The following ADK variants were observed in gnomAD, a reference collection of about 807,000 sequenced individuals.
The protein encoded by ADK is N6,N6-dimethyladenosine kinase.
ADK carries 24 observed loss-of-function variants against 44.7 expected under a neutral mutation model. The ratio of observed to expected loss-of-function variants is 0.54; its 90% CI spans 0.39 to 0.76. The LOEUF is 0.76. Among genes scored for constraint, ADK ranks in the 30% least tolerant of loss-of-function variants. The pLI is 0.00. For missense variants in ADK, 321 were observed against 425.1 expected (o/e 0.76, Z 2.15); for synonymous variants, 128 against 142.6 (o/e 0.90, Z 0.73).
At chr10:74,623,485 T>C (rs1315859454) in intron 9 of ADK, among the ~76,000 whole-genome samples, 1 of 152,136 alleles carries the variant, frequency 6.6e-6, no homozygotes, top group African/African-American at 2.4e-5. Flanking sequence ...TAGTCCGTAC[T>C]TGCTTAACTG....
chr10:74,412,798 CTG>C (rs888160838), intron 6 of ADK, among the ~76,000 whole-genome samples: 1 of 152,178 alleles, frequency 6.6e-6, no homozygotes, highest in African/African-American at 2.4e-5. Flanking sequence ...TGGCTTATGC[CTG>C]TAATCCCAGC....
chr10:74,232,867 A>T (rs1844831441), intron 3 of ADK, among the ~76,000 whole-genome samples: 1 of 151,920 alleles, frequency 6.6e-6, no homozygotes, highest in African/African-American at 2.4e-5. Context: ...CTCGTGATCC[A>T]CCCGCCTTGC....
At position 74,588,775 on chromosome 10, in the gene ADK, A is replaced by G. The variant is rs76284859; in HGVS notation, c.727-507A>G. Among the ~76,000 whole-genome samples, 315 of 152,290 alleles carry G rather than the reference A, an allele frequency of 2.1e-3. 1 individual carries two copies. Among genetic ancestry groups the G allele is most frequent in the African/African-American group, 7.2e-3 (300 of 41,564 alleles). ...ATATAATCTGAGATACTTTGATTCC[A>G]TGGAAATACCCAGTTCCCTATCATC... On this transcript the variant is annotated intron_variant, in intron 7 of 10. Coordinates refer to ENST00000539909, the MANE Select transcript of ADK (RefSeq NM_006721.4).
At chr10:74,387,164 T>G (rs1843172964) in intron 4 of ADK, among the ~76,000 whole-genome samples, 1 of 152,192 alleles carries the variant, frequency 6.6e-6, no homozygotes, top group South Asian at 2.1e-4. Context: ...CTTGAACTCC[T>G]GACCTCGTGA....
intron 3 of ADK, among the ~76,000 whole-genome samples, chr10:74,245,479 A>C (rs2132315960): frequency 6.6e-6 from 1 of 152,258 alleles, no homozygotes; most frequent in Admixed American, 6.5e-5. Flanking sequence ...ACAATACTTT[A>C]CATGTAGTAG....
chr10:74,551,080 G>A (rs978552733), intron 7 of ADK, among the ~76,000 whole-genome samples: 1 of 152,076 alleles, frequency 6.6e-6, no homozygotes, highest in Admixed American at 6.6e-5. Context: ...AAGACAGTGT[G>A]GTACTGACTC....
chr10:74,515,241 A>T (rs1252823265), intron 6 of ADK, among the ~76,000 whole-genome samples: 1 of 151,734 alleles, frequency 6.6e-6, no homozygotes, highest in African/African-American at 2.4e-5. Context: ...GCTGTAATCC[A>T]CTCTAGTGGC....
At chr10:74,179,851 C>T (rs1182048558) in intron 1 of ADK, among the ~76,000 whole-genome samples, 3 of 152,110 alleles carry the variant, frequency 2.0e-5, no homozygotes, top group Non-Finnish European at 4.4e-5. Flanking sequence ...TATGGACTTG[C>T]CTTGAATTCT....
At chr10:74,668,697 T>G (rs984204389) in intron 9 of ADK, among the ~76,000 whole-genome samples, 3 of 152,214 alleles carry the variant, frequency 2.0e-5, no homozygotes, top group South Asian at 2.1e-4. Context: ...ATCACGCCAC[T>G]GCACTCCAGC....
chr10:74,371,430 A>G, intron 4 of ADK: 1 of 615,618 alleles, frequency 1.6e-6, no homozygotes, highest in East Asian at 2.7e-5. Context: ...GCAGTCCCCT[A>G]CAGATCTATT....
At chr10:74,167,648 A>C (rs920624797) in intron 1 of ADK, among the ~76,000 whole-genome samples, 1 of 152,210 alleles carries the variant, frequency 6.6e-6, no homozygotes, top group Non-Finnish European at 1.5e-5. Flanking sequence ...CCAAAGCAGG[A>C]GCTGGCAGCC....
chr10:74,527,025 G>C (rs1241181143), intron 7 of ADK, among the ~76,000 whole-genome samples: 1 of 152,162 alleles, frequency 6.6e-6, no homozygotes, highest in Non-Finnish European at 1.5e-5. Context: ...AAGTTCTCTA[G>C]AGTTTAAGAG....
intron 6 of ADK, among the ~76,000 whole-genome samples, chr10:74,406,217 G>T (rs1279371728): frequency 6.6e-6 from 1 of 151,988 alleles, no homozygotes; most frequent in African/African-American, 2.4e-5. Context: ...TTCATGATAG[G>T]GAGTAAATCT....
At chr10:74,406,523 TAATAAGAAGAAGAAGAAGAAG>T (rs1441941265) in intron 6 of ADK, among the ~76,000 whole-genome samples, 128 of 56,116 alleles carry the variant, frequency 2.3e-3, no homozygotes, top group African/African-American at 6.7e-3. Flanking sequence ...ATAATAATAA[TAATAAGAAGAAGAAGAAGAAG>T]AAGAAGAAGA....
At chr10:74,151,419 C>T in intron 1 of ADK, 76 bp downstream of exon 1, 1 of 1,474,968 alleles carries the variant, frequency 6.8e-7, no homozygotes, top group South Asian at 1.2e-5. Flanking sequence ...TTGCACGGCC[C>T]CGACGCTGGG....
intron 4 of ADK, among the ~76,000 whole-genome samples, chr10:74,330,532 T>A (rs1349482332): frequency 2.6e-5 from 4 of 152,184 alleles, no homozygotes; most frequent in Non-Finnish European, 5.9e-5. Flanking sequence ...CTTAGCGACT[T>A]GTTTCTAATA....
intron 6 of ADK, among the ~76,000 whole-genome samples, chr10:74,429,496 G>A (rs1019483496): frequency 6.6e-6 from 1 of 152,070 alleles, no homozygotes; most frequent in Non-Finnish European, 1.5e-5. Flanking sequence ...TTAGTCAAGT[G>A]GTCTTATTAC....
chr10:74,697,317 T>C (rs1272783012), intron 10 of ADK, among the ~76,000 whole-genome samples: 1 of 152,138 alleles, frequency 6.6e-6, no homozygotes, highest in Non-Finnish European at 1.5e-5. Context: ...AGTAGAAGGA[T>C]TGCTTGAGCC....
intron 9 of ADK, among the ~76,000 whole-genome samples, chr10:74,609,594 T>C (rs965840134): frequency 1.3e-5 from 2 of 152,120 alleles, no homozygotes; most frequent in African/African-American, 4.8e-5. Context: ...CCCAATGAGA[T>C]GAGCCAGGAC....
Sources: gnomAD v4.1 joint callset for allele counts (sites outside exome capture counted in the v4.1 genomes callset) on GRCh38, gnomAD v4.1.1 for gene constraint, MANE v1.5 for transcripts, NCBI Gene and HGNC (gene_info 2026-07-23, HGNC 2026-07-21) for gene names.